Variants in ANKS6 observed in about 807,000 individuals in gnomAD.
The protein encoded by ANKS6 is ankyrin repeat and sterile alpha motif domain containing 6.
A neutral mutation model predicts 77.9 loss-of-function variants in ANKS6; 47 were observed. That is an observed-to-expected ratio of 0.60 (90% CI 0.48 to 0.77). The LOEUF (loss-of-function observed/expected upper bound fraction) is 0.77, where lower values mean the gene tolerates loss of function less well. ANKS6 is among the 30% of genes least tolerant of loss of function. The pLI is 0.00. For synonymous variants in ANKS6, 488 were observed against 501.7 expected, an observed-to-expected ratio of 0.97 and a Z score of 0.37; for missense variants, 1,150 against 1,159.1, an observed-to-expected ratio of 0.99 and a Z score of 0.11.
chr9:98,771,771 C>G (rs1833646985), intron 9 of ANKS6, among the ~76,000 whole-genome samples: 1 of 152,170 alleles, frequency 6.6e-6, no homozygotes, highest in Non-Finnish European at 1.5e-5. Context: ...CGGAGGCCTT[C>G]ACTGCCTAAG....
At chr9:98,792,280 C>G (rs1180152234) in intron 1 of ANKS6, among the ~76,000 whole-genome samples, 2 of 152,166 alleles carry the variant, frequency 1.3e-5, no homozygotes, top group Non-Finnish European at 2.9e-5. Flanking sequence ...CAGACCACCC[C>G]TCAACCAGGC....
intron 2 of ANKS6, among the ~76,000 whole-genome samples, chr9:98,785,892 T>C: frequency 6.6e-6 from 1 of 152,210 alleles, no homozygotes; most frequent in East Asian, 1.9e-4. Flanking sequence ...ATAGCATCCC[T>C]CTCACCTGGC....
At chr9:98,790,735 A>G in intron 1 of ANKS6, 129 bp from the exon 2 acceptor site, 4 of 1,260,332 alleles carry the variant, frequency 3.2e-6, no homozygotes, top group Non-Finnish European at 4.4e-6. Context: ...TTCTGGCGCC[A>G]GGCACTGTGC....
At chr9:98,792,252 C>T (rs1834940875) in intron 1 of ANKS6, among the ~76,000 whole-genome samples, 1 of 152,154 alleles carries the variant, frequency 6.6e-6, no homozygotes, top group Admixed American at 6.5e-5. Context: ...TCATATCTCA[C>T]CCACTCTGAG....
chr9:98,733,605 T>C lies in ANKS6; in HGVS notation c.*2914A>G. On this transcript the variant is annotated 3_prime_UTR_variant, in exon 15 of 15. Transcript: ENST00000353234. ...GCTGTTCCAGAAAAAGCGGGGCTTC[T>C]CCAATGGTGTCCAAGGAATTCCAGT... The C allele has an allele frequency of 5.1e-6, 5 of 985,428 alleles. No homozygotes were observed. The highest frequency in any genetic ancestry group is 6.0e-6 in the Non-Finnish European group (5 of 829,942). The allele number at this position is 985,428 out of a possible 1,614,324, so 61.0% of individuals were successfully genotyped here.
intron 1 of ANKS6, among the ~76,000 whole-genome samples, chr9:98,790,836 C>T (rs1834868819): frequency 6.6e-6 from 1 of 152,212 alleles, no homozygotes; most frequent in Admixed American, 6.5e-5. Context: ...AGCTGCATGA[C>T]CTTTAGGAAG....
At chr9:98,759,073 A>G (rs1443672538) in intron 11 of ANKS6, among the ~76,000 whole-genome samples, 1 of 152,124 alleles carries the variant, frequency 6.6e-6, no homozygotes, top group Non-Finnish European at 1.5e-5. Context: ...ATTTGCATAC[A>G]GTAAAAAATA....
intron 12 of ANKS6, among the ~76,000 whole-genome samples, chr9:98,754,545 G>A (rs1334685630): frequency 6.6e-6 from 1 of 152,026 alleles, no homozygotes; most frequent in Non-Finnish European, 1.5e-5. Flanking sequence ...GGCAGGCTGA[G>A]GCAGGAGAAT....
chr9:98,736,821 C>A (rs527745637), intron 14 of ANKS6, among the ~76,000 whole-genome samples, 198 bp from the exon 15 acceptor site: 3 of 152,314 alleles, frequency 2.0e-5, no homozygotes, highest in East Asian at 1.9e-4. Context: ...TACCCACCAT[C>A]GCAGCCTGTC....
In ANKS6 at chr9:98,778,335, A is replaced by G. The variant is rs201904871; in HGVS notation, c.1458T>C (p.Pro486=). The change falls in exon 7 of 15, where the codon CCT becomes CCC. Residue 486 remains proline, a synonymous_variant. Transcript: ENST00000353234. ...PRGLSSNQPL[P]FSDEPEPALD... Reference sequence around the variant, plus strand: ...GAGCTGGCTCAGGCTCGTCAGAGAAAGGCAAAGGCTGGTTGCTGGACAGCC... The same window carrying G: ...GAGCTGGCTCAGGCTCGTCAGAGAAGGGCAAAGGCTGGTTGCTGGACAGCC... 1,299 of 1,614,184 alleles carry G rather than the reference A, an allele frequency of 8.0e-4. 2 individuals carry two copies. Among genetic ancestry groups the G allele is most frequent in the Non-Finnish European group, 1.0e-3 (1,218 of 1,180,032 alleles).
intron 8 of ANKS6, among the ~76,000 whole-genome samples, chr9:98,775,875 A>C (rs1431569943): frequency 6.6e-6 from 1 of 151,850 alleles, no homozygotes; most frequent in African/African-American, 2.4e-5. Flanking sequence ...ACAAGCCCCC[A>C]CAGTCAGTGT....
At chr9:98,775,895 C>T (rs1445539862) in intron 8 of ANKS6, among the ~76,000 whole-genome samples, 1 of 152,204 alleles carries the variant, frequency 6.6e-6, no homozygotes, top group Non-Finnish European at 1.5e-5. Flanking sequence ...TTCGAGCCAT[C>T]AATTTACACC....
At position 98,735,842 on chromosome 9, in the gene ANKS6, G is replaced by A. The variant is rs1018403974; in HGVS notation, c.*677C>T. ...GTAAGCTGTATGCAGCAGGTGCAGT[G>A]GAATGCTACAGCAGTCACATACACA... On this transcript the variant is annotated 3_prime_UTR_variant, in exon 15 of 15. Coordinates refer to ENST00000353234, the MANE Select transcript of ANKS6 (RefSeq NM_173551.5). 4 of 1,231,606 alleles carry A rather than the reference G, an allele frequency of 3.2e-6. No homozygotes were observed. The African/African-American group carries it at 4.7e-5, about 14-fold the overall frequency. The allele number at this position is 1,231,606 out of a possible 1,614,324, so 76.3% of individuals were successfully genotyped here.
intron 2 of ANKS6, among the ~76,000 whole-genome samples, chr9:98,788,368 A>G (rs912228561): frequency 6.6e-6 from 1 of 152,088 alleles, no homozygotes; most frequent in Non-Finnish European, 1.5e-5. Flanking sequence ...ATGGGGGAAT[A>G]CCCTCCTCAG....
At chr9:98,777,857 A>T (rs570218255) in intron 7 of ANKS6, among the ~76,000 whole-genome samples, 1 of 152,212 alleles carries the variant, frequency 6.6e-6, no homozygotes, top group East Asian at 1.9e-4. Context: ...GGAGCTCACT[A>T]CTCACACCCT....
intron 5 of ANKS6, among the ~76,000 whole-genome samples, chr9:98,782,168 T>C (rs1189531406): frequency 6.6e-6 from 1 of 152,188 alleles, no homozygotes; most frequent in African/African-American, 2.4e-5. Flanking sequence ...ACAGATGCCA[T>C]TCTAGGGTGT....
At chr9:98,774,170 C>CCATGCCCCAAGA in intron 8 of ANKS6, 90 bp from the exon 9 acceptor site, 1 of 1,187,850 alleles carries the variant, frequency 8.4e-7, no homozygotes, top group Non-Finnish European at 1.1e-6. Flanking sequence ...CTTCTTGGGG[C>CCATGCCCCAAGA]ATGGCACCAC....
intron 5 of ANKS6, among the ~76,000 whole-genome samples, chr9:98,782,024 G>A (rs570618652): frequency 1.3e-5 from 2 of 152,282 alleles, no homozygotes; most frequent in East Asian, 3.9e-4. Context: ...TACATTCCCA[G>A]TACACGACCC....
Position 98,784,150 on chromosome 9 carries a change from G to T in ANKS6, c.915C>A (p.Phe305Leu), listed in dbSNP as rs765738085. 2.0e-6 allele frequency: 3 copies of T among 1,523,696 alleles called. No homozygotes were observed. The highest frequency in any genetic ancestry group is 2.0e-5 in the Admixed American group (1 of 50,702). The allele number at this position is 1,523,696 out of a possible 1,614,324, so 94.4% of individuals were successfully genotyped here. A position where few individuals can be genotyped will look rare whatever the true frequency, so the allele number is the denominator to read the frequency against. ...DIFHALKMGN[F>L]QLVKEIADED... ...CATCGGCAATCTCTTTGACCAGCTGGAAGTTTCCTGCAAACACAAGCAGGA... is the reference window on the plus strand; with the variant it reads ...CATCGGCAATCTCTTTGACCAGCTGTAAGTTTCCTGCAAACACAAGCAGGA... The change falls in exon 4 of 15, where the codon TTC (phenylalanine) becomes TTA (leucine). Residue 305 changes from phenylalanine (F) to leucine (L), a missense_variant. Phe to Leu is a conservative substitution (Grantham distance 22). Coordinates refer to ENST00000353234, the MANE Select transcript of ANKS6 (RefSeq NM_173551.5).
Sources: gnomAD v4.1 joint callset for allele counts (sites outside exome capture counted in the v4.1 genomes callset) on GRCh38, gnomAD v4.1.1 for gene constraint, MANE v1.5 for transcripts, NCBI Gene and HGNC (gene_info 2026-07-23, HGNC 2026-07-21) for gene names.